ATF7IP2: variants seen among roughly 807,000 people sequenced by gnomAD.
The protein encoded by ATF7IP2 is activating transcription factor 7 interacting protein 2, also known as activating transcription factor 7-interacting protein 2.
In ATF7IP2, 42 loss-of-function variants were observed where a neutral mutation model predicts 64.2. The ratio of observed to expected loss-of-function variants is 0.65; its 90% CI spans 0.51 to 0.85. ATF7IP2 has a LOEUF of 0.85. Ranked by LOEUF, ATF7IP2 falls within the 40% of genes least tolerant of loss-of-function variation. The pLI is 0.00. For synonymous variants in ATF7IP2, 308 were observed against 272.8 expected (o/e 1.13, Z -1.27); for missense variants, 933 against 784.2 (o/e 1.19, Z -2.27).
intron 1 of ATF7IP2, among the ~76,000 whole-genome samples, chr16:10,403,182 G>C (rs866941412): frequency 2.6e-5 from 4 of 152,110 alleles, no homozygotes; most frequent in Non-Finnish European, 4.4e-5. Flanking sequence ...GCCACCTATT[G>C]GCCTGGAGGT....
intron 7 of ATF7IP2, among the ~76,000 whole-genome samples, chr16:10,439,916 C>G (rs1448988157): frequency 6.6e-6 from 1 of 151,804 alleles, no homozygotes; most frequent in Non-Finnish European, 1.5e-5. Context: ...GTAATCCCAG[C>G]ACTTTGGGAG....
At chr16:10,449,707 T>C (rs1241036637) in intron 8 of ATF7IP2, 3 of 152,204 alleles carry the variant, frequency 2.0e-5, no homozygotes, top group African/African-American at 7.2e-5. Flanking sequence ...TTCTTCTTTA[T>C]TAGTCAGGCT....
chr16:10,472,176 T>G lies in ATF7IP2; in HGVS notation c.1419T>G (p.Asn473Lys). The change falls in exon 10 of 14, where the codon AAT (asparagine) becomes AAG (lysine). Residue 473 changes from asparagine (N) to lysine (K), a missense_variant. Asn to Lys is a moderately conservative substitution (Grantham distance 94). Coordinates refer to ENST00000562102, the MANE Select transcript of ATF7IP2 (RefSeq NM_001393719.1). ...ATTTGACAACTCCAATTACATCAAA[T>G]CCAACAGGTATCTTATAGCTGATTA... ...SPNLTTPITS[N>K]PTDTRKITSG... 1 of 1,549,884 alleles carries G rather than the reference T, an allele frequency of 6.5e-7. No individual in the cohort carries two copies. The highest frequency in any genetic ancestry group is 1.2e-5 in the South Asian group (1 of 86,294).
chr16:10,459,198 G>A (rs879546484), intron 9 of ATF7IP2, among the ~76,000 whole-genome samples: 1 of 152,140 alleles, frequency 6.6e-6, no homozygotes, highest in African/African-American at 2.4e-5. Context: ...GCCCGGTGCG[G>A]TGGCTCACGC....
chr16:10,481,920 C>T lies in ATF7IP2; in HGVS notation c.1720C>T (p.Leu574Phe), dbSNP rs751007333. Residue 574 changes from leucine (L) to phenylalanine (F), a missense_variant, in exon 14 of 14, where the codon CTT becomes TTT. Leu to Phe is a conservative substitution (Grantham distance 22, BLOSUM62 0). Coordinates refer to ENST00000562102, the MANE Select transcript of ATF7IP2 (RefSeq NM_001393719.1). ...ATTAGTAGACAAAACCCGAGACACA[C>T]TTCCTCCCCAGAAGCCTGAGCTCAA... The part of the protein sequence containing the change: ...PELVDKTRDT[L>F]PPQKPELKVK... 2 of 1,614,098 alleles carry T rather than the reference C, an allele frequency of 1.2e-6. No homozygotes were observed. The highest frequency in any genetic ancestry group is 2.2e-5 in the East Asian group (1 of 44,884).
chr16:10,414,926 TGAAAGATACCTACAATGAA>T (rs2047841966), intron 2 of ATF7IP2, among the ~76,000 whole-genome samples: 1 of 152,026 alleles, frequency 6.6e-6, no homozygotes, highest in Non-Finnish European at 1.5e-5. Flanking sequence ...ACCGAAGATG[TGAAAGATACCTACAATGAA>T]GACTGTAAAA....
chr16:10,467,304 C>T (rs1018588682), intron 9 of ATF7IP2, among the ~76,000 whole-genome samples: 1 of 152,126 alleles, frequency 6.6e-6, no homozygotes, highest in African/African-American at 2.4e-5. Flanking sequence ...ATTTTCTGCT[C>T]AGTTTCTTAT....
intron 7 of ATF7IP2, among the ~76,000 whole-genome samples, chr16:10,439,892 G>A (rs1435259109): frequency 2.0e-5 from 3 of 151,728 alleles, no homozygotes; most frequent in South Asian, 2.1e-4. Flanking sequence ...GGCTGGGCAC[G>A]GTGGCTCACG....
chr16:10,437,513 G>A (rs1164470134), intron 6 of ATF7IP2, among the ~76,000 whole-genome samples: 4 of 152,008 alleles, frequency 2.6e-5, no homozygotes, highest in Non-Finnish European at 1.5e-5. Flanking sequence ...ATTACCTTAT[G>A]TTCCTATAAA....
intron 11 of ATF7IP2, among the ~76,000 whole-genome samples, 162 bp from the exon 12 acceptor site, chr16:10,473,761 A>G (rs1247312141): frequency 1.3e-5 from 2 of 152,194 alleles, no homozygotes; most frequent in Non-Finnish European, 2.9e-5. Flanking sequence ...AGAGCTTTTT[A>G]ATAGTAGAGT....
intron 9 of ATF7IP2, among the ~76,000 whole-genome samples, chr16:10,467,812 C>T (rs1567171307): frequency 6.6e-6 from 1 of 151,318 alleles, no homozygotes; most frequent in Non-Finnish European, 1.5e-5. Context: ...CTCGGCCCCA[C>T]AAAGTGCTGG....
In ATF7IP2 at chr16:10,399,375, A is replaced by G. The variant is rs2047482467; in HGVS notation, c.-242+13253A>G. Among the ~76,000 whole-genome samples the G allele has an allele frequency of 4.6e-5, 7 of 152,198 alleles. No homozygotes were observed. The South Asian group carries it at 1.0e-3, about 23-fold the overall frequency. ...AGTTTATTTTTAAGTATGGTAACAG[A>G]TAGGGATTCAGTTTCATTCTTATAC... On this transcript the variant is annotated intron_variant, in intron 1 of 13. Coordinates refer to ENST00000562102, the MANE Select transcript of ATF7IP2 (RefSeq NM_001393719.1).
At chr16:10,402,754 A>G (rs546967920) in intron 1 of ATF7IP2, among the ~76,000 whole-genome samples, 2 of 152,146 alleles carry the variant, frequency 1.3e-5, no homozygotes, top group South Asian at 4.2e-4. Context: ...ATGCGTGACT[A>G]TGTCTGGCCT....
intron 3 of ATF7IP2, among the ~76,000 whole-genome samples, chr16:10,425,875 A>G (rs1189340390): frequency 6.6e-6 from 1 of 152,088 alleles, no homozygotes; most frequent in Non-Finnish European, 1.5e-5. Context: ...CCTGGGCAAC[A>G]AGAGTGAAAC....
intron 8 of ATF7IP2, among the ~76,000 whole-genome samples, chr16:10,456,830 T>A (rs1401931850): frequency 6.6e-6 from 1 of 152,194 alleles, no homozygotes; most frequent in Admixed American, 6.5e-5. Context: ...GGTGCCCAGC[T>A]TCCATGGCAC....
intron 8 of ATF7IP2, among the ~76,000 whole-genome samples, chr16:10,440,915 T>C (rs8061993): frequency 0.79 from 120,260 of 151,986 alleles, 48,359 homozygotes; most frequent in African/African-American, 0.94. Flanking sequence ...CCCCACCCCC[T>C]GACAGGCCCT....
intron 8 of ATF7IP2, chr16:10,449,015 C>T (rs907960045): frequency 2.0e-5 from 3 of 152,084 alleles, no homozygotes; most frequent in Admixed American, 2.0e-4. Context: ...GAGTTTTTAG[C>T]ATGAAGGGGT....
chr16:10,431,822 T>G (rs2048267778), intron 5 of ATF7IP2, among the ~76,000 whole-genome samples: 6 of 138,662 alleles, frequency 4.3e-5, no homozygotes, highest in Admixed American at 2.9e-4. Context: ...CCCTATTTCT[T>G]TTTTTTTTTT....
At chr16:10,435,834 C>G (rs1210454775) in intron 6 of ATF7IP2, among the ~76,000 whole-genome samples, 1 of 152,104 alleles carries the variant, frequency 6.6e-6, no homozygotes, top group East Asian at 1.9e-4. Flanking sequence ...CAGGATGTGG[C>G]CTAGGAATTC....
Sources: allele counts gnomAD v4.1 joint callset (sites outside exome capture counted in the v4.1 genomes callset), GRCh38; gene constraint gnomAD v4.1.1; transcripts MANE v1.5; gene names NCBI Gene and HGNC (gene_info 2026-07-23, HGNC 2026-07-21).